Variants in PCDHGB3 observed in about 807,000 individuals in gnomAD.
The protein encoded by PCDHGB3 is protocadherin gamma subfamily B, 3.
In PCDHGB3, 40 loss-of-function variants were observed where a neutral mutation model predicts 59.2. That is an observed-to-expected ratio of 0.68 (90% CI 0.52 to 0.88). The LOEUF (loss-of-function observed/expected upper bound fraction) is 0.88, where lower values mean the gene tolerates loss of function less well. PCDHGB3 is among the 40% of genes least tolerant of loss of function. The probability of loss-of-function intolerance (pLI) is 0.00; values close to 1 mark genes in which losing one functional copy is unlikely to be tolerated. For synonymous variants in PCDHGB3, 581 were observed against 503.6 expected (o/e 1.15, Z -2.06); for missense variants, 1,309 against 1,187.9 (o/e 1.10, Z -1.50).
chr5:141,431,022 G>A lies in PCDHGB3; in HGVS notation c.2415+58213G>A. ...CGCAGCGGCAGCTTGGTCACGGCGG[G>A]CAGGATAGACCGGGAGGAGCTCTGT... On this transcript the variant is annotated intron_variant, in intron 1 of 3. Transcript: ENST00000576222. This position sits in a 1 kb window ranked among gnomAD's most constrained non-coding sequence, Gnocchi z 4.8. 1 of 1,614,078 alleles carries A rather than the reference G, an allele frequency of 6.2e-7. No individual in the cohort carries two copies. Among genetic ancestry groups the A allele is most frequent in the African/African-American group, 1.3e-5 (1 of 75,074 alleles).
intron 1 of PCDHGB3, among the ~76,000 whole-genome samples, chr5:141,474,102 AAAC>A (rs909174523): frequency 2.6e-4 from 40 of 152,286 alleles, no homozygotes; most frequent in African/African-American, 8.7e-4. Flanking sequence ...ACAACAACAA[AAAC>A]AACAACAACG....
chr5:141,455,283 C>G (rs1225185590), intron 1 of PCDHGB3, among the ~76,000 whole-genome samples: 1 of 152,000 alleles, frequency 6.6e-6, no homozygotes, highest in East Asian at 1.9e-4. Context: ...ATTAACATCA[C>G]TTTACATAGT....
At position 141,511,355 on chromosome 5, in the gene PCDHGB3, G is replaced by A; in HGVS notation, c.*182G>A. On this transcript the variant is annotated 3_prime_UTR_variant, in exon 4 of 4. Coordinates refer to ENST00000576222, the MANE Select transcript of PCDHGB3 (RefSeq NM_018924.5). ...TCAGCACCTACCCCTTCCCCCCCAG[G>A]GGGTTGAATATGCAAAAGCAGTTCC... 4 of 1,379,256 alleles carry A rather than the reference G, an allele frequency of 2.9e-6. No individual in the cohort carries two copies. The highest frequency in any genetic ancestry group is 3.9e-6 in the Non-Finnish European group (4 of 1,035,886). 85.4% of individuals were successfully genotyped at this position (1,379,256 alleles called of 1,614,324 possible).
chr5:141,400,129 C>T (rs530393607), intron 1 of PCDHGB3: 1 of 1,614,104 alleles, frequency 6.2e-7, no homozygotes, highest in Admixed American at 1.7e-5. Flanking sequence ...GCAGGAGGTG[C>T]TGCCGGATAT....
intron 1 of PCDHGB3, chr5:141,404,270 C>T (rs1359018673): frequency 5.0e-6 from 8 of 1,614,010 alleles, no homozygotes; most frequent in Non-Finnish European, 6.8e-6. Flanking sequence ...TCACATCACC[C>T]TGCAAGTGAC....
At position 141,431,203 on chromosome 5, in the gene PCDHGB3, T is replaced by C. The variant is rs139061906; in HGVS notation, c.2415+58394T>C. On this transcript the variant is annotated intron_variant, in intron 1 of 3. Coordinates refer to ENST00000576222, the MANE Select transcript of PCDHGB3 (RefSeq NM_018924.5). This position sits in a 1 kb window ranked among gnomAD's most constrained non-coding sequence, Gnocchi z 4.8. ...TAAAAATTAGTGAAAATGCAGCCACTGAGATGCGGTTCCCTCTACCCCACG... is the reference window on the plus strand; with the variant it reads ...TAAAAATTAGTGAAAATGCAGCCACCGAGATGCGGTTCCCTCTACCCCACG... The C allele has an allele frequency of 3.1e-6, 5 of 1,614,116 alleles. No individual in the cohort carries two copies. The highest frequency in any genetic ancestry group is 1.1e-5 in the South Asian group (1 of 91,090).
rs547410815 is a variant in PCDHGB3 at position 141,418,658 on chromosome 5, A to T, written c.2415+45849A>T. ...CACCTCCATCCTGAGAGTGAAGGCC[A>T]CTGACCAGGACGAGGGCATCAACTC... is the stretch of plus-strand genomic sequence containing the variant. On this transcript the variant is annotated intron_variant, in intron 1 of 3. Transcript: ENST00000576222. 2.6e-4 allele frequency: 419 copies of T among 1,614,030 alleles called. 6 individuals carry two copies. The South Asian group carries it at 4.2e-3, about 16-fold the overall frequency.
At chr5:141,375,521 G>A in intron 1 of PCDHGB3, 1 of 1,613,994 alleles carries the variant, frequency 6.2e-7, no homozygotes, top group Non-Finnish European at 8.5e-7. Context: ...ACTGGACCCT[G>A]ACGTGGACCA....
intron 2 of PCDHGB3, among the ~76,000 whole-genome samples, chr5:141,501,212 A>G (rs936235563): frequency 1.9e-4 from 29 of 150,770 alleles, no homozygotes; most frequent in Admixed American, 1.8e-3. Flanking sequence ...TGTCAGGGTG[A>G]CTTCCTAGAT....
At chr5:141,473,974 C>A (rs958240236) in intron 1 of PCDHGB3, among the ~76,000 whole-genome samples, 1 of 152,054 alleles carries the variant, frequency 6.6e-6, no homozygotes, top group Non-Finnish European at 1.5e-5. Flanking sequence ...AAGTCTGAGG[C>A]GGGAGGATCC....
chr5:141,417,923 C>T, intron 1 of PCDHGB3: 1 of 1,608,652 alleles, frequency 6.2e-7, no homozygotes, highest in Non-Finnish European at 8.5e-7. Context: ...TCCTTTGCTG[C>T]TGCCTTTGTT....
In PCDHGB3 at chr5:141,459,352, C is replaced by T. The variant is rs111826527; in HGVS notation, c.2416-35455C>T. On this transcript the variant is annotated intron_variant, in intron 1 of 3. Coordinates refer to ENST00000576222, the MANE Select transcript of PCDHGB3 (RefSeq NM_018924.5). Reference sequence around the variant, plus strand: ...TACTCCAAAGTTCTTGAAATTCATTCATGTTCCTGTGTGTATCAGCAGCGT... The same window carrying T: ...TACTCCAAAGTTCTTGAAATTCATTTATGTTCCTGTGTGTATCAGCAGCGT... 1.4e-4 allele frequency among the ~76,000 whole-genome samples: 21 copies of T among 152,304 alleles called. No homozygotes were observed. The East Asian group carries it at 3.7e-3, about 27-fold the overall frequency.
chr5:141,410,980 A>G (rs2095454359), intron 1 of PCDHGB3: 1 of 175,670 alleles, frequency 5.7e-6, no homozygotes, highest in South Asian at 1.4e-4. Context: ...CAGCCTCCCA[A>G]GTAGCTGGGA....
chr5:141,404,952 G>A (rs2094589054), intron 1 of PCDHGB3: 3 of 1,614,030 alleles, frequency 1.9e-6, no homozygotes, highest in African/African-American at 1.3e-5. Flanking sequence ...ATAGCTGACA[G>A]CATCCCAGAC....
At chr5:141,389,304 GCTT>G (rs762969573) in intron 1 of PCDHGB3, 2 of 1,614,006 alleles carry the variant, frequency 1.2e-6, no homozygotes, top group Non-Finnish European at 1.7e-6. Context: ...ACAAGTCAGG[GCTT>G]CTGATCCGGA....
At chr5:141,380,730 T>C (rs1776691792) in intron 1 of PCDHGB3, among the ~76,000 whole-genome samples, 2 of 152,250 alleles carry the variant, frequency 1.3e-5, no homozygotes, top group Non-Finnish European at 2.9e-5. Context: ...CTTATTTCCT[T>C]TTCTCCAAAG....
At chr5:141,460,453 A>T (rs1487816393) in intron 1 of PCDHGB3, among the ~76,000 whole-genome samples, 3 of 152,152 alleles carry the variant, frequency 2.0e-5, no homozygotes, top group Non-Finnish European at 4.4e-5. Flanking sequence ...ATGAAGATTC[A>T]TATTTTTTTC....
intron 1 of PCDHGB3, chr5:141,410,447 C>G (rs760711107): frequency 1.2e-6 from 2 of 1,613,984 alleles, no homozygotes; most frequent in Non-Finnish European, 1.7e-6. Context: ...GGGGACTTTG[C>G]CTTATTCTTA....
intron 1 of PCDHGB3, chr5:141,409,184 T>G: frequency 6.2e-7 from 1 of 1,614,044 alleles, no homozygotes; most frequent in East Asian, 2.2e-5. Context: ...AGGTGGTCTC[T>G]CTACCCAGTG....
Sources: gnomAD v4.1 joint callset for allele counts (sites outside exome capture counted in the v4.1 genomes callset) on GRCh38, gnomAD v4.1.1 for gene constraint, Gnocchi (gnomAD v3.1) non-coding constraint, MANE v1.5 for transcripts, NCBI Gene and HGNC (gene_info 2026-07-23, HGNC 2026-07-21) for gene names.